Variants in FRMD4A observed in about 807,000 individuals in gnomAD.
FRMD4A encodes FERM domain-containing protein 4A.
FRMD4A carries 29 observed loss-of-function variants against 129.1 expected under a neutral mutation model. The observed-to-expected ratio is 0.22, with a 90% CI of 0.17 to 0.31. The LOEUF is 0.31. Among genes scored for constraint, FRMD4A ranks in the 10% least tolerant of loss-of-function variants. The probability of loss-of-function intolerance (pLI) is 1.00; values close to 1 mark genes in which losing one functional copy is unlikely to be tolerated. For missense variants in FRMD4A, 1,272 were observed against 1,375.8 expected, an observed-to-expected ratio of 0.92 and a Z score of 1.19; for synonymous variants, 634 against 571.6, an observed-to-expected ratio of 1.11 and a Z score of -1.56.
At chr10:13,904,248 A>G (rs938773561) in intron 2 of FRMD4A, among the ~76,000 whole-genome samples, 21 of 26,690 alleles carry the variant, frequency 7.9e-4, no homozygotes, top group South Asian at 5.0e-3. Context: ...CCTCCCAGCC[A>G]AGGAGAACGC....
intron 2 of FRMD4A, among the ~76,000 whole-genome samples, chr10:13,965,194 C>T (rs2095478010): frequency 6.6e-6 from 1 of 151,988 alleles, no homozygotes; most frequent in Non-Finnish European, 1.5e-5. Flanking sequence ...GCTGCACCAG[C>T]CTAGAAATGG....
At chr10:14,274,564 G>T (rs559042598) in intron 2 of FRMD4A, among the ~76,000 whole-genome samples, 1 of 152,314 alleles carries the variant, frequency 6.6e-6, no homozygotes, top group Admixed American at 6.5e-5. Flanking sequence ...TGCCGCCCCA[G>T]TGTGGCTGCA....
intron 2 of FRMD4A, chr10:13,890,580 C>T (rs2094683930): frequency 1.0e-6 from 1 of 985,050 alleles, no homozygotes; most frequent in Non-Finnish European, 1.2e-6. Context: ...CCAGCTCAGA[C>T]TTAGAAATGT....
At chr10:13,849,880 C>A (rs925806065) in intron 3 of FRMD4A, among the ~76,000 whole-genome samples, 2 of 151,538 alleles carry the variant, frequency 1.3e-5, no homozygotes, top group Non-Finnish European at 2.9e-5. Flanking sequence ...ATAGAGAATC[C>A]AAGTTTAGGC....
intron 2 of FRMD4A, among the ~76,000 whole-genome samples, chr10:14,090,669 A>G (rs1836609212): frequency 6.6e-6 from 1 of 152,058 alleles, no homozygotes; most frequent in Admixed American, 6.6e-5. Context: ...ACTACTTGTA[A>G]TTTTCTGTTT....
chr10:14,089,150 C>A (rs943627617), intron 2 of FRMD4A, among the ~76,000 whole-genome samples: 1 of 152,168 alleles, frequency 6.6e-6, no homozygotes, highest in African/African-American at 2.4e-5. Flanking sequence ...AGTTTCCCAG[C>A]GCTTGAAGTC....
At chr10:14,284,533 G>A (rs1192702059) in intron 2 of FRMD4A, among the ~76,000 whole-genome samples, 1 of 152,068 alleles carries the variant, frequency 6.6e-6, no homozygotes, top group Non-Finnish European at 1.5e-5. Flanking sequence ...CACACCTGTA[G>A]TCTCAGCTAC....
intron 12 of FRMD4A, among the ~76,000 whole-genome samples, chr10:13,725,313 G>A (rs867019774): frequency 2.6e-5 from 4 of 152,170 alleles, no homozygotes; most frequent in African/African-American, 9.7e-5. Flanking sequence ...GCACCCCAAG[G>A]GTATGTCAGG....
At chr10:14,183,798 T>C (rs10906624) in intron 2 of FRMD4A, among the ~76,000 whole-genome samples, 1 of 152,024 alleles carries the variant, frequency 6.6e-6, no homozygotes, top group Non-Finnish European at 1.5e-5. Flanking sequence ...TAAAGCCAAG[T>C]TGGCATTTTG....
intron 2 of FRMD4A, among the ~76,000 whole-genome samples, chr10:13,995,657 G>A (rs1177747942): frequency 5.3e-5 from 8 of 152,194 alleles, no homozygotes; most frequent in Admixed American, 3.9e-4. Flanking sequence ...GTATTGCCCC[G>A]AGAGTAATGT....
chr10:13,706,818 G>A (rs907647438), intron 13 of FRMD4A, among the ~76,000 whole-genome samples: 1 of 150,900 alleles, frequency 6.6e-6, no homozygotes, highest in Non-Finnish European at 1.5e-5. Flanking sequence ...ACAGTCAGGG[G>A]ATTGCTACTT....
chr10:14,003,676 AGC>A (rs2095651075), intron 2 of FRMD4A: 1 of 152,178 alleles, frequency 6.6e-6, no homozygotes, highest in Non-Finnish European at 1.5e-5. Flanking sequence ...AAACTACAGC[AGC>A]AGAGAATACA....
chr10:13,802,890 A>C (rs2093284225), intron 4 of FRMD4A, among the ~76,000 whole-genome samples: 1 of 152,110 alleles, frequency 6.6e-6, no homozygotes, highest in South Asian at 2.1e-4. Flanking sequence ...TTCATCAAGG[A>C]CAGACCAGGC....
At chr10:13,973,288 G>A (rs1225159821) in intron 2 of FRMD4A, among the ~76,000 whole-genome samples, 1 of 152,130 alleles carries the variant, frequency 6.6e-6, no homozygotes. Context: ...TCTAAATTAT[G>A]TTCTTTTAAT....
intron 2 of FRMD4A, among the ~76,000 whole-genome samples, chr10:13,988,846 C>T (rs966764190): frequency 1.3e-5 from 2 of 152,170 alleles, no homozygotes; most frequent in African/African-American, 4.8e-5. Context: ...AACCTATGAG[C>T]ATGGACGTCA....
At chr10:13,837,481 T>C (rs1305763284) in intron 3 of FRMD4A, among the ~76,000 whole-genome samples, 19 of 152,170 alleles carry the variant, frequency 1.2e-4, no homozygotes, top group Admixed American at 1.2e-3. Context: ...TTTAGAGCTT[T>C]CCACAGATCA....
At chr10:13,832,950 G>A (rs914883393) in intron 3 of FRMD4A, among the ~76,000 whole-genome samples, 3 of 152,240 alleles carry the variant, frequency 2.0e-5, no homozygotes, top group Non-Finnish European at 2.9e-5. Context: ...TGAGCATCTG[G>A]AAAGAATCAC....
At chr10:14,019,365 C>A (rs1057131653) in intron 2 of FRMD4A, among the ~76,000 whole-genome samples, 1 of 152,148 alleles carries the variant, frequency 6.6e-6, no homozygotes, top group East Asian at 1.9e-4. Flanking sequence ...CAATTATCAA[C>A]TCCAGGAAAA....
At position 13,844,376 on chromosome 10, in the gene FRMD4A, T is replaced by C. The variant is rs565859843; in HGVS notation, c.111+14471A>G. On this transcript the variant is annotated intron_variant, in intron 3 of 24. Transcript: ENST00000357447. ...TAAATGAAATGGAGTACTGAGGTCA[T>C]TATCCTTTTGGAGGATTATTACAGT... is the stretch of plus-strand genomic sequence containing the variant. Among the ~76,000 whole-genome samples the C allele has an allele frequency of 8.4e-4, 128 of 152,322 alleles. 4 individuals carry two copies. The South Asian group carries it at 0.026, about 31-fold the overall frequency.
Sources: gnomAD v4.1 joint callset for allele counts (sites outside exome capture counted in the v4.1 genomes callset) on GRCh38, gnomAD v4.1.1 for gene constraint, MANE v1.5 for transcripts, NCBI Gene and HGNC (gene_info 2026-07-23, HGNC 2026-07-21) for gene names.